Variants in ABLIM1 observed in about 807,000 individuals in gnomAD.
ABLIM1 encodes the protein actin-binding LIM protein 1.
In ABLIM1, 40 loss-of-function variants were observed where a neutral mutation model predicts 107.0. That is an observed-to-expected ratio of 0.37 (90% CI 0.29 to 0.49). The LOEUF (loss-of-function observed/expected upper bound fraction) is 0.49, where lower values mean the gene tolerates loss of function less well. Ranked by LOEUF, ABLIM1 falls within the 20% of genes least tolerant of loss-of-function variation. The pLI, the probability that ABLIM1 is intolerant of heterozygous loss-of-function variation, is 0.97. For missense variants in ABLIM1, 857 were observed against 1,008.5 expected, an observed-to-expected ratio of 0.85 and a Z score of 2.04; for synonymous variants, 357 against 357.3, an observed-to-expected ratio of 1.00 and a Z score of 0.01.
intron 17 of ABLIM1, among the ~76,000 whole-genome samples, chr10:114,443,420 C>A (rs899787347): frequency 1.3e-5 from 2 of 151,246 alleles, no homozygotes; most frequent in African/African-American, 4.9e-5. Flanking sequence ...TCAAGTGATT[C>A]TCCTGCCTCA....
chr10:114,657,826 C>T, intron 1 of ABLIM1, 131 bp downstream of exon 1: 1 of 770,588 alleles, frequency 1.3e-6, no homozygotes, highest in East Asian at 2.5e-5. Context: ...ACCCTCACCC[C>T]CATTAATTAT....
intron 4 of ABLIM1, among the ~76,000 whole-genome samples, chr10:114,557,992 T>C (rs2069025152): frequency 6.6e-6 from 1 of 152,100 alleles, no homozygotes; most frequent in South Asian, 2.1e-4. Context: ...ACTATATAAA[T>C]CTCTAATTTT....
At chr10:114,703,036 T>A (rs1286030171) in intron 1 of ABLIM1, among the ~76,000 whole-genome samples, 1 of 152,210 alleles carries the variant, frequency 6.6e-6, no homozygotes, top group Non-Finnish European at 1.5e-5. Flanking sequence ...ATGAATTAAC[T>A]CAGACATTTG....
At chr10:114,602,109 T>G in intron 1 of ABLIM1, 148 bp from the exon 2 acceptor site, 1 of 1,105,658 alleles carries the variant, frequency 9.0e-7, no homozygotes, top group Non-Finnish European at 1.3e-6. Context: ...GTCATAATCC[T>G]AGAGACACAA....
intron 1 of ABLIM1, among the ~76,000 whole-genome samples, chr10:114,611,204 T>C (rs917865545): frequency 6.6e-6 from 1 of 151,862 alleles, no homozygotes; most frequent in Non-Finnish European, 1.5e-5. Flanking sequence ...TGGTAGCTCA[T>C]GCCTGTAATC....
At chr10:114,493,489 G>A (rs982699501) in intron 6 of ABLIM1, among the ~76,000 whole-genome samples, 7 of 152,186 alleles carry the variant, frequency 4.6e-5, no homozygotes, top group African/African-American at 1.7e-4. Context: ...ACAAGACAAA[G>A]GTGTACACTT....
At chr10:114,719,427 G>C (rs1443654348) in intron 1 of ABLIM1, among the ~76,000 whole-genome samples, 3 of 152,160 alleles carry the variant, frequency 2.0e-5, no homozygotes, top group Non-Finnish European at 4.4e-5. Context: ...CAAAGGCTTG[G>C]GCTGGATGCC....
chr10:114,649,049 T>C (rs1023299315), intron 1 of ABLIM1, among the ~76,000 whole-genome samples: 5 of 152,166 alleles, frequency 3.3e-5, no homozygotes, highest in African/African-American at 7.2e-5. Context: ...GATTATACCA[T>C]AGACCTTAGG....
chr10:114,495,693 A>G (rs2059575692), intron 6 of ABLIM1, among the ~76,000 whole-genome samples: 1 of 152,096 alleles, frequency 6.6e-6, no homozygotes, highest in Non-Finnish European at 1.5e-5. Flanking sequence ...TGTGTCAATT[A>G]CTCTTTTACG....
chr10:114,769,471 GAAAGAAA>G (rs2082993540), upstream of ABLIM1, among the ~76,000 whole-genome samples: 1 of 99,746 alleles, frequency 1.0e-5, no homozygotes, highest in Non-Finnish European at 2.3e-5. Context: ...AAGAAAGAAA[GAAAGAAA>G]GAGAAAGAAA....
At chr10:114,454,242 C>T (rs565793327) in intron 12 of ABLIM1, among the ~76,000 whole-genome samples, 1 of 152,254 alleles carries the variant, frequency 6.6e-6, no homozygotes, top group Admixed American at 6.5e-5. Flanking sequence ...GATATAGTCC[C>T]TGCCCTCAAG....
chr10:114,704,706 A>G (rs1216759514), intron 1 of ABLIM1, among the ~76,000 whole-genome samples: 1 of 152,066 alleles, frequency 6.6e-6, no homozygotes, highest in Non-Finnish European at 1.5e-5. Context: ...TGTGGGGTCC[A>G]AGGCCTTTTC....
rs182044256 is a variant in ABLIM1 at position 114,547,788 on chromosome 10, C to A, written c.674-12G>T. 2.8e-3 allele frequency: 4,482 copies of A among 1,605,586 alleles called. 18 individuals carry two copies. Among genetic ancestry groups the A allele is most frequent in the Middle Eastern group, 5.9e-3 (36 of 6,058 alleles). On this transcript the variant is annotated splice_polypyrimidine_tract_variant and intron_variant, in intron 4 of 22. Coordinates refer to ENST00000533213, the MANE Select transcript of ABLIM1 (RefSeq NM_002313.7). ...GCAGCCGGCACAATCTGAAAAAGAG[C>A]AGCCGCCAGTGGTTACTACACATTT...
intron 1 of ABLIM1, among the ~76,000 whole-genome samples, chr10:114,706,373 T>G (rs1169820000): frequency 1.3e-5 from 2 of 152,228 alleles, no homozygotes; most frequent in African/African-American, 4.8e-5. Flanking sequence ...ATCAGCTGAT[T>G]GTCAAAGTTT....
At chr10:114,452,877 G>A (rs553970170) in intron 13 of ABLIM1, among the ~76,000 whole-genome samples, 3 of 152,190 alleles carry the variant, frequency 2.0e-5, no homozygotes, top group Admixed American at 6.5e-5. Flanking sequence ...TCTGTTATGC[G>A]CTGCAGAAAG....
At chr10:114,705,372 G>A (rs1591853864) in intron 1 of ABLIM1, among the ~76,000 whole-genome samples, 1 of 152,256 alleles carries the variant, frequency 6.6e-6, no homozygotes, top group East Asian at 1.9e-4. Context: ...ATCCTAAAGT[G>A]AAACATGGGC....
intron 13 of ABLIM1, 93 bp from the exon 14 acceptor site, chr10:114,451,764 C>G (rs1190160350): frequency 8.9e-7 from 1 of 1,127,466 alleles, no homozygotes; most frequent in Non-Finnish European, 1.3e-6. Flanking sequence ...AACTGAAGAT[C>G]TTGAACAAAA....
At chr10:114,733,805 A>G (rs1228611170) in intron 1 of ABLIM1, among the ~76,000 whole-genome samples, 1 of 152,118 alleles carries the variant, frequency 6.6e-6, no homozygotes, top group African/African-American at 2.4e-5. Flanking sequence ...TTCTTCTTTT[A>G]TATTTTAACC....
rs2076055872 is a variant in ABLIM1 at position 114,602,084 on chromosome 10, G to C, written c.245-123C>G. On this transcript the variant is annotated intron_variant, in intron 1 of 22. Transcript: ENST00000533213. ...AGAGATTGATTCGACAGTGTGAACA[G>C]AGCAGTCCCTCCAAGTCATAATCCT... 9 of 1,258,646 alleles carry C rather than the reference G, an allele frequency of 7.2e-6. No individual in the cohort carries two copies. In the Admixed American group the frequency reaches 1.0e-4, roughly 14 times the overall value. The allele number at this position is 1,258,646 out of a possible 1,614,324, so 78.0% of individuals were successfully genotyped here. A position where few individuals can be genotyped will look rare whatever the true frequency, so the allele number is the denominator to read the frequency against.
Sources: gnomAD v4.1 joint callset for allele counts (sites outside exome capture counted in the v4.1 genomes callset) on GRCh38, gnomAD v4.1.1 for gene constraint, MANE v1.5 for transcripts, NCBI Gene and HGNC (gene_info 2026-07-23, HGNC 2026-07-21) for gene names.